Variants in SH3GL2 observed in about 807,000 individuals in gnomAD.
SH3GL2 encodes endophilin-A1.
A neutral mutation model predicts 46.0 loss-of-function variants in SH3GL2; 24 were observed. The ratio of observed to expected loss-of-function variants is 0.52; its 90% confidence interval spans 0.38 to 0.73. The LOEUF is 0.73. Among genes scored for constraint, SH3GL2 ranks in the 30% least tolerant of loss-of-function variants. SH3GL2 has a pLI of 0.00. For synonymous variants in SH3GL2, 196 were observed against 147.1 expected (o/e 1.33, Z -2.40); for missense variants, 413 against 424.2 (o/e 0.97, Z 0.23).
At chr9:17,754,328 A>AT (rs1176410601) in intron 2 of SH3GL2, among the ~76,000 whole-genome samples, 2 of 152,054 alleles carry the variant, frequency 1.3e-5, no homozygotes, top group African/African-American at 4.8e-5. Flanking sequence ...ACGTTTTTCC[A>AT]TTTGTTTGTA....
intron 1 of SH3GL2, among the ~76,000 whole-genome samples, chr9:17,697,982 C>A (rs909595920): frequency 6.6e-6 from 1 of 152,198 alleles, no homozygotes; most frequent in South Asian, 2.1e-4. Context: ...TTCTGCGTTC[C>A]GTTTGTCTGT....
Position 17,730,395 on chromosome 9 carries a change from C to T in SH3GL2, c.46-16671C>T, listed in dbSNP as rs191841216. Among the ~76,000 whole-genome samples the T allele has an allele frequency of 1.7e-3, 264 of 152,146 alleles. 1 individual carries two copies. The highest frequency in any genetic ancestry group is 6.1e-3 in the African/African-American group (254 of 41,530). On this transcript the variant is annotated intron_variant, in intron 1 of 8. Coordinates refer to ENST00000380607, the MANE Select transcript of SH3GL2 (RefSeq NM_003026.5). ...GGATTTTCTAAATATCCAGTCATGTCGTTTGCAGGCAGAGACAGTTTGAAT... is the reference window on the plus strand; with the variant it reads ...GGATTTTCTAAATATCCAGTCATGTTGTTTGCAGGCAGAGACAGTTTGAAT...
In SH3GL2 at chr9:17,614,295, G is replaced by GGAAAA. The variant is rs762920242; in HGVS notation, c.45+35008_45+35009insGAAAA. Reference sequence around the variant, plus strand: ...GTGACAGGGAACATGCATGGTTTCTGAAAAAAAAAAAAAAAAAAAAAAAAA... The same window carrying GGAAAA: ...GTGACAGGGAACATGCATGGTTTCTGGAAAAAAAAAAAAAAAAAAAAAAAAAAAAA... On this transcript the variant is annotated intron_variant, in intron 1 of 8. Coordinates refer to ENST00000380607, the MANE Select transcript of SH3GL2 (RefSeq NM_003026.5). Among the ~76,000 whole-genome samples the GGAAAA allele has an allele frequency of 1.3e-3, 94 of 70,300 alleles. 3 individuals carry two copies. Among genetic ancestry groups the GGAAAA allele is most frequent in the East Asian group, 5.2e-3 (10 of 1,918 alleles). 46.1% of individuals were successfully genotyped at this position (70,300 alleles called of 152,430 possible).
intron 1 of SH3GL2, among the ~76,000 whole-genome samples, chr9:17,622,292 A>G (rs1414632097): frequency 6.6e-6 from 1 of 152,158 alleles, no homozygotes; most frequent in East Asian, 1.9e-4. Context: ...AACTAGGAGA[A>G]TCGTAATATG....
intron 1 of SH3GL2, among the ~76,000 whole-genome samples, chr9:17,671,695 G>C (rs1434677592): frequency 3.9e-5 from 6 of 152,156 alleles, no homozygotes; most frequent in Non-Finnish European, 7.3e-5. Flanking sequence ...AGAAGCCTCT[G>C]ACTAACCTTT....
chr9:17,762,855 C>A (rs1161679497), intron 3 of SH3GL2, among the ~76,000 whole-genome samples: 1 of 152,198 alleles, frequency 6.6e-6, no homozygotes, highest in Non-Finnish European at 1.5e-5. Context: ...AAACCACTGT[C>A]ATAGGTCAAG....
intron 1 of SH3GL2, among the ~76,000 whole-genome samples, chr9:17,702,417 G>T (rs984274859): frequency 2.0e-5 from 3 of 151,422 alleles, no homozygotes; most frequent in East Asian, 1.9e-4. Flanking sequence ...TATATGTACC[G>T]ATATAAAGAG....
chr9:17,633,705 C>T (rs1819482554), intron 1 of SH3GL2, among the ~76,000 whole-genome samples: 1 of 152,146 alleles, frequency 6.6e-6, no homozygotes, highest in Non-Finnish European at 1.5e-5. Context: ...TCTTAAACTT[C>T]TGGGAAATAA....
chr9:17,755,680 C>T, intron 2 of SH3GL2: 1 of 554,480 alleles, frequency 1.8e-6, no homozygotes, highest in Non-Finnish European at 2.3e-6. Flanking sequence ...TTTTCTTAAA[C>T]TTTTGCTCTG....
At chr9:17,712,593 A>G (rs1180221379) in intron 1 of SH3GL2, among the ~76,000 whole-genome samples, 2 of 151,876 alleles carry the variant, frequency 1.3e-5, no homozygotes, top group Admixed American at 1.3e-4. Context: ...TTGCCTTTCT[A>G]TCTCTGCAAA....
intron 1 of SH3GL2, among the ~76,000 whole-genome samples, chr9:17,713,945 C>A (rs1047770457): frequency 6.6e-6 from 1 of 151,478 alleles, no homozygotes; most frequent in Non-Finnish European, 1.5e-5. Context: ...AATTTTCTGT[C>A]CATTTGTTTT....
chr9:17,668,140 A>G (rs1386787193), intron 1 of SH3GL2, among the ~76,000 whole-genome samples: 1 of 152,216 alleles, frequency 6.6e-6, no homozygotes, highest in Non-Finnish European at 1.5e-5. Flanking sequence ...GATGAGGTCC[A>G]GCTTACCAGG....
Position 17,636,451 on chromosome 9 carries a change from G to A in SH3GL2, c.45+57164G>A, listed in dbSNP as rs1280335447. 3.3e-5 allele frequency among the ~76,000 whole-genome samples: 5 copies of A among 152,134 alleles called. 1 individual carries two copies. The highest frequency in any genetic ancestry group is 6.5e-5 in the Admixed American group (1 of 15,284). On this transcript the variant is annotated intron_variant, in intron 1 of 8. Coordinates refer to ENST00000380607, the MANE Select transcript of SH3GL2 (RefSeq NM_003026.5). ...TACGGAAACCTTATGATATATAACA[G>A]CATGGCATAACCTGATCCATCTTTG...
At chr9:17,743,374 C>T (rs1309482104) in intron 1 of SH3GL2, among the ~76,000 whole-genome samples, 1 of 151,906 alleles carries the variant, frequency 6.6e-6, no homozygotes, top group Non-Finnish European at 1.5e-5. Context: ...TATCAACCAA[C>T]CATTCAGGCC....
At chr9:17,608,949 G>C (rs1588170195) in intron 1 of SH3GL2, among the ~76,000 whole-genome samples, 1 of 152,148 alleles carries the variant, frequency 6.6e-6, no homozygotes, top group Admixed American at 6.5e-5. Flanking sequence ...TGTTTTGGTG[G>C]ACAGAGATCC....
At chr9:17,774,723 A>G (rs867846076) in intron 3 of SH3GL2, among the ~76,000 whole-genome samples, 5 of 152,282 alleles carry the variant, frequency 3.3e-5, no homozygotes, top group Middle Eastern at 3.4e-3. Context: ...TTTCACAACA[A>G]TGATCGTAAG....
At chr9:17,674,582 C>G (rs1291973419) in intron 1 of SH3GL2, among the ~76,000 whole-genome samples, 2 of 152,128 alleles carry the variant, frequency 1.3e-5, no homozygotes, top group Admixed American at 1.3e-4. Context: ...GTTATTTGTT[C>G]ATGATTTTGT....
chr9:17,601,095 T>G (rs1818660239), intron 1 of SH3GL2, among the ~76,000 whole-genome samples: 1 of 152,188 alleles, frequency 6.6e-6, no homozygotes. Flanking sequence ...GTGCCTCATG[T>G]GTGGTGGTGT....
At chr9:17,786,724 A>T (rs1009572550) in intron 4 of SH3GL2, among the ~76,000 whole-genome samples, 200 bp downstream of exon 4, 1 of 150,264 alleles carries the variant, frequency 6.7e-6, no homozygotes, top group South Asian at 2.1e-4. Context: ...TTTTCTTCCC[A>T]CCCCCCCCAC....
Sources: gnomAD v4.1 joint callset for allele counts (sites outside exome capture counted in the v4.1 genomes callset) on GRCh38, gnomAD v4.1.1 for gene constraint, MANE v1.5 for transcripts, NCBI Gene and HGNC (gene_info 2026-07-23, HGNC 2026-07-21) for gene names.